Variants in LRBA observed in about 807,000 individuals in gnomAD.
LRBA encodes the protein LPS responsive beige-like anchor protein.
In LRBA, 176 loss-of-function variants were observed where a neutral mutation model predicts 330.0. The ratio of observed to expected loss-of-function variants is 0.53; its 90% CI spans 0.47 to 0.60. The LOEUF (loss-of-function observed/expected upper bound fraction) is 0.60. Ranked by LOEUF, LRBA falls within the 20% of genes least tolerant of loss-of-function variation. The probability of loss-of-function intolerance (pLI) is 0.00; values close to 1 mark genes in which losing one functional copy is unlikely to be tolerated. For synonymous variants in LRBA, 1,230 were observed against 1,193.0 expected (o/e 1.03, Z -0.64); for missense variants, 3,259 against 3,444.8 (o/e 0.95, Z 1.35).
intron 34 of LRBA, among the ~76,000 whole-genome samples, chr4:150,787,100 T>A (rs551348326): frequency 1.5e-3 from 225 of 151,908 alleles, no homozygotes; most frequent in Non-Finnish European, 2.3e-3. Context: ...GGCATGATGG[T>A]GGGTGCCTGT....
intron 34 of LRBA, among the ~76,000 whole-genome samples, chr4:150,795,099 G>A (rs745699339): frequency 1.3e-5 from 2 of 152,076 alleles, no homozygotes; most frequent in Non-Finnish European, 2.9e-5. Flanking sequence ...GGGAGGTAGT[G>A]TTATTGGAAT....
rs558542409 is a variant in LRBA, at chr4:150,543,460, A to T, written c.6330+44588T>A. Among the ~76,000 whole-genome samples the T allele has an allele frequency of 3.5e-4, 54 of 152,326 alleles. No individual in the cohort carries two copies. The South Asian group carries it at 0.011, about 31-fold the overall frequency. Reference sequence around the variant, plus strand: ...AGTAACTATCCACTTATCTGTTTTAACCAAATATTTTCTTGACGCAGAAGA... The same window carrying T: ...AGTAACTATCCACTTATCTGTTTTATCCAAATATTTTCTTGACGCAGAAGA... On this transcript the variant is annotated intron_variant, in intron 40 of 56. Transcript: ENST00000651943.
chr4:150,955,236 AC>A (rs1737407244), intron 2 of LRBA, among the ~76,000 whole-genome samples: 1 of 148,834 alleles, frequency 6.7e-6, no homozygotes, highest in African/African-American at 2.6e-5. Flanking sequence ...ACACCACTGC[AC>A]TCCAGCCTGA....
chr4:150,683,523 T>G (rs755091980), intron 37 of LRBA, 28 bp downstream of exon 37: 1 of 1,596,500 alleles, frequency 6.3e-7, no homozygotes, highest in African/African-American at 1.3e-5. Context: ...AGAAAATCAG[T>G]GGCCAAATCC....
At chr4:150,800,454 T>A (rs1376908676) in intron 33 of LRBA, among the ~76,000 whole-genome samples, 2 of 152,196 alleles carry the variant, frequency 1.3e-5, no homozygotes, top group African/African-American at 2.4e-5. Flanking sequence ...GAACTTAACA[T>A]CAAAATGTAG....
intron 37 of LRBA, among the ~76,000 whole-genome samples, chr4:150,625,352 A>G (rs1032438230): frequency 2.6e-5 from 4 of 152,238 alleles, no homozygotes; most frequent in Admixed American, 6.5e-5. Flanking sequence ...CAGGTGACTG[A>G]TAAAATAAAG....
At position 150,852,245 on chromosome 4, in the gene LRBA, T is replaced by C. The variant is rs1172634571; in HGVS notation, c.3465A>G (p.Ile1155Met). The change falls in exon 23 of 57, where the codon ATA (isoleucine) becomes ATG (methionine). Residue 1155 changes from isoleucine (I) to methionine (M), a missense_variant. By Grantham distance (10) the Ile-to-Met change is conservative. Coordinates refer to ENST00000651943, the MANE Select transcript of LRBA (RefSeq NM_001364905.1). ...LDMFGNDDKL[I>M]FQEGKPVTEK... is the part of the protein sequence containing the mutation. ...CAGTAACAGGTTTTCCTTCTTGAAA[T>C]ATTAATTTGTCATCATTACCAAACA... is the stretch of plus-strand genomic sequence containing the variant. The C allele has an allele frequency of 6.2e-7, 1 of 1,614,154 alleles. No individual in the cohort carries two copies. The highest frequency in any genetic ancestry group is 1.1e-5 in the South Asian group (1 of 91,082).
At chr4:150,982,750 G>C (rs1323507076) in intron 2 of LRBA, among the ~76,000 whole-genome samples, 2 of 152,162 alleles carry the variant, frequency 1.3e-5, no homozygotes, top group South Asian at 4.1e-4. Context: ...AGTAAACAAA[G>C]AAGCCACAGA....
chr4:150,450,480 T>C (rs576911589), intron 44 of LRBA, among the ~76,000 whole-genome samples: 10 of 152,136 alleles, frequency 6.6e-5, no homozygotes, highest in Non-Finnish European at 1.2e-4. Flanking sequence ...CTCTAATATC[T>C]CCTTCCATCG....
chr4:150,342,808 T>C (rs112974347), intron 48 of LRBA, among the ~76,000 whole-genome samples: 2 of 152,266 alleles, frequency 1.3e-5, no homozygotes, highest in African/African-American at 4.8e-5. Context: ...GGAACGTATT[T>C]CCAGACTGAA....
chr4:150,604,299 G>C (rs1281585806), intron 37 of LRBA, among the ~76,000 whole-genome samples: 1 of 151,912 alleles, frequency 6.6e-6, no homozygotes, highest in Non-Finnish European at 1.5e-5. Context: ...AGCTTCTTGG[G>C]AGGCTAAGGT....
At chr4:150,861,307 G>A (rs1751914428) in intron 22 of LRBA, among the ~76,000 whole-genome samples, 1 of 149,514 alleles carries the variant, frequency 6.7e-6, no homozygotes, top group Non-Finnish European at 1.5e-5. Context: ...GTGTGTGTGT[G>A]TGTAGATTGA....
chr4:150,489,475 T>C lies in LRBA; in HGVS notation c.6448+1443A>G, dbSNP rs374375133. 4.6e-5 allele frequency among the ~76,000 whole-genome samples: 4 copies of C among 86,938 alleles called. No homozygotes were observed. In the South Asian group the frequency reaches 1.1e-3, roughly 24 times the overall value. 57.0% of individuals were successfully genotyped at this position (86,938 alleles called of 152,430 possible). ...ATATATAAGAATATAAAATATATTA[T>C]ATATAAGAATATATAATATATTATA... On this transcript the variant is annotated intron_variant, in intron 41 of 56. Transcript: ENST00000651943.
At chr4:150,573,536 C>T (rs1770136254) in intron 40 of LRBA, among the ~76,000 whole-genome samples, 1 of 152,150 alleles carries the variant, frequency 6.6e-6, no homozygotes, top group African/African-American at 2.4e-5. Context: ...AGCAGATAGA[C>T]TGACTGGTAT....
intron 46 of LRBA, chr4:150,422,834 G>A: frequency 6.9e-7 from 1 of 1,444,754 alleles, no homozygotes; most frequent in East Asian, 2.3e-5. Flanking sequence ...CCTGCAGCCA[G>A]GCTGTACTGA....
intron 2 of LRBA, among the ~76,000 whole-genome samples, chr4:150,933,406 T>C (rs1013965431): frequency 2.3e-4 from 34 of 150,168 alleles, no homozygotes; most frequent in African/African-American, 7.8e-4. Flanking sequence ...TATACAACTA[T>C]ACAATGAAAT....
intron 2 of LRBA, among the ~76,000 whole-genome samples, chr4:150,996,811 T>C (rs1389599238): frequency 6.6e-6 from 1 of 152,136 alleles, no homozygotes; most frequent in Non-Finnish European, 1.5e-5. Flanking sequence ...TGAGTCCAAA[T>C]GCCATCTTAC....
At chr4:150,590,636 C>T in intron 39 of LRBA, 77 bp downstream of exon 39, 2 of 1,346,374 alleles carry the variant, frequency 1.5e-6, no homozygotes, top group Non-Finnish European at 2.1e-6. Flanking sequence ...TCCTAGTGGT[C>T]ACAGCTGAAA....
At chr4:150,311,418 T>G (rs1487694736) in intron 51 of LRBA, 1 of 152,208 alleles carries the variant, frequency 6.6e-6, no homozygotes, top group Admixed American at 6.5e-5. Flanking sequence ...AGAAAAATAT[T>G]TATATGCTAT....
Sources: allele counts gnomAD v4.1 joint callset (sites outside exome capture counted in the v4.1 genomes callset), GRCh38; gene constraint gnomAD v4.1.1; transcripts MANE v1.5; gene names NCBI Gene and HGNC (gene_info 2026-07-23, HGNC 2026-07-21).